The following ATP2B2 variants were observed in gnomAD, a reference collection of about 807,000 sequenced individuals.
The protein encoded by ATP2B2 is ATPase plasma membrane Ca2+ transporting 2, also known as plasma membrane calcium-transporting ATPase 2.
In ATP2B2, 15 loss-of-function variants were observed where a neutral mutation model predicts 120.0. That is an observed-to-expected ratio of 0.12 (90% CI 0.08 to 0.19). The LOEUF (loss-of-function observed/expected upper bound fraction) is 0.19. Ranked by LOEUF, ATP2B2 falls within the 10% of genes least tolerant of loss-of-function variation. The pLI is 1.00. For missense variants in ATP2B2, 1,045 were observed against 1,719.8 expected (o/e 0.61, Z 6.94); for synonymous variants, 694 against 700.3 (o/e 0.99, Z 0.14).
At chr3:10,666,482 ACC>A (rs1416819219) in intron 1 of ATP2B2, among the ~76,000 whole-genome samples, 1 of 152,006 alleles carries the variant, frequency 6.6e-6, no homozygotes, top group East Asian at 1.9e-4. Context: ...TACTCTCCAC[ACC>A]CCACCAATGC....
chr3:10,705,549 T>C (rs1031121225), intron 1 of ATP2B2, among the ~76,000 whole-genome samples: 3 of 152,236 alleles, frequency 2.0e-5, no homozygotes, highest in African/African-American at 7.2e-5. Flanking sequence ...CAAGTCCTCT[T>C]GGAGACAGTG....
chr3:10,685,040 G>C lies in ATP2B2; in HGVS notation c.-460+22875C>G, dbSNP rs531231405. ...AAACTGAGATCACTCAAGACCAGGC[G>C]ATGGTAGACAGACTCTCTAAATCCA... On this transcript the variant is annotated intron_variant, in intron 1 of 21. Coordinates refer to the ATP2B2 transcript ENST00000646379. Among the ~76,000 whole-genome samples, 4 of 152,298 alleles carry C rather than the reference G, an allele frequency of 2.6e-5. No individual in the cohort carries two copies. The South Asian group carries it at 8.3e-4, about 32-fold the overall frequency.
intron 2 of ATP2B2, among the ~76,000 whole-genome samples, chr3:10,446,974 G>A (rs2063858348): frequency 1.3e-5 from 2 of 152,228 alleles, no homozygotes; most frequent in African/African-American, 4.8e-5. Flanking sequence ...AAGAAATGCT[G>A]CTGTAGGCCA....
intron 3 of ATP2B2, among the ~76,000 whole-genome samples, chr3:10,512,124 G>A (rs755841897): frequency 5.9e-5 from 9 of 152,162 alleles, no homozygotes; most frequent in Non-Finnish European, 1.2e-4. Context: ...TTGTTCAAGG[G>A]TGCATAGCTC....
At chr3:10,526,347 G>T (rs1431230404) in intron 3 of ATP2B2, among the ~76,000 whole-genome samples, 1 of 152,198 alleles carries the variant, frequency 6.6e-6, no homozygotes, top group Non-Finnish European at 1.5e-5. Flanking sequence ...GGAAGCTTTG[G>T]TGGAAGCTGG....
rs992277258 is a variant in ATP2B2, at chr3:10,326,960, T to A, written c.*1854A>T. On this transcript the variant is annotated 3_prime_UTR_variant, in exon 23 of 23. Transcript: ENST00000360273. Reference sequence around the variant, plus strand: ...TCGTGAGGAGGGTCAGCATGAGGAATGGATTTTGCAAGAGAGGCGGAAAGT... The same window carrying A: ...TCGTGAGGAGGGTCAGCATGAGGAAAGGATTTTGCAAGAGAGGCGGAAAGT... 3.5e-5 allele frequency: 14 copies of A among 398,338 alleles called. No individual in the cohort carries two copies. The highest frequency in any genetic ancestry group is 6.2e-5 in the Non-Finnish European group (14 of 226,040). 24.7% of individuals were successfully genotyped at this position (398,338 alleles called of 1,614,324 possible). A position where few individuals can be genotyped will look rare whatever the true frequency, so the allele number is the denominator to read the frequency against.
At chr3:10,428,473 T>G (rs1214361590) in intron 2 of ATP2B2, among the ~76,000 whole-genome samples, 2 of 152,176 alleles carry the variant, frequency 1.3e-5, no homozygotes, top group Non-Finnish European at 2.9e-5. Context: ...CAGGTGGCGT[T>G]GTGCTATGAG....
intron 1 of ATP2B2, among the ~76,000 whole-genome samples, chr3:10,620,511 G>A (rs77305647): frequency 0.023 from 3,462 of 152,276 alleles, 77 homozygotes; most frequent in African/African-American, 0.064. Context: ...GGCAGGAGTA[G>A]GGAAACCTGG....
intron 1 of ATP2B2, among the ~76,000 whole-genome samples, chr3:10,670,047 G>C (rs1490502911): frequency 6.6e-6 from 1 of 152,186 alleles, no homozygotes; most frequent in Non-Finnish European, 1.5e-5. Context: ...GTTTATGCAA[G>C]AAAGATTTGA....
intron 1 of ATP2B2, among the ~76,000 whole-genome samples, chr3:10,653,105 C>T (rs1320606371): frequency 6.6e-6 from 1 of 152,080 alleles, no homozygotes; most frequent in African/African-American, 2.4e-5. Context: ...TTATGTGTAT[C>T]CCACCTCAAT....
chr3:10,534,499 A>G (rs894059045), intron 2 of ATP2B2, among the ~76,000 whole-genome samples: 1 of 152,204 alleles, frequency 6.6e-6, no homozygotes, highest in Non-Finnish European at 1.5e-5. Flanking sequence ...CACCTACTAC[A>G]TTCCAGCTAC....
chr3:10,566,882 G>T (rs962484568), intron 2 of ATP2B2, among the ~76,000 whole-genome samples: 1 of 152,164 alleles, frequency 6.6e-6, no homozygotes, highest in Non-Finnish European at 1.5e-5. Context: ...ATATTAGTGG[G>T]TTAAGATTTA....
At chr3:10,463,575 T>C (rs1186122484) in intron 1 of ATP2B2, among the ~76,000 whole-genome samples, 1 of 152,234 alleles carries the variant, frequency 6.6e-6, no homozygotes, top group African/African-American at 2.4e-5. Context: ...TTAAAGAGAT[T>C]GCGCGGGGTC....
At chr3:10,360,538 C>T (rs2060867995) in intron 12 of ATP2B2, among the ~76,000 whole-genome samples, 1 of 152,150 alleles carries the variant, frequency 6.6e-6, no homozygotes, top group African/African-American at 2.4e-5. Flanking sequence ...ACTCCTTGTC[C>T]CAGAAACAAC....
At chr3:10,476,841 C>A (rs1276405082) in intron 1 of ATP2B2, among the ~76,000 whole-genome samples, 1 of 152,174 alleles carries the variant, frequency 6.6e-6, no homozygotes, top group Non-Finnish European at 1.5e-5. Context: ...TGCAGATGAG[C>A]CCTAAGCCTC....
chr3:10,702,098 T>A (rs2071828270), intron 1 of ATP2B2, among the ~76,000 whole-genome samples: 2 of 152,090 alleles, frequency 1.3e-5, no homozygotes, highest in Admixed American at 6.6e-5. Flanking sequence ...CCAGTGGGCT[T>A]CCCGCTACCC....
At chr3:10,332,592 C>T (rs1336957307) in intron 22 of ATP2B2, among the ~76,000 whole-genome samples, 3 of 152,210 alleles carry the variant, frequency 2.0e-5, no homozygotes, top group African/African-American at 7.2e-5. Flanking sequence ...CCCTGGCCTT[C>T]CCTGGAGGAC....
At chr3:10,481,598 G>C (rs1170063218) in intron 1 of ATP2B2, among the ~76,000 whole-genome samples, 1 of 152,090 alleles carries the variant, frequency 6.6e-6, no homozygotes, top group Non-Finnish European at 1.5e-5. Flanking sequence ...CCGTTACCTA[G>C]GCTAGAGTGC....
At chr3:10,477,851 A>T (rs1454320160) in intron 1 of ATP2B2, among the ~76,000 whole-genome samples, 1 of 152,230 alleles carries the variant, frequency 6.6e-6, no homozygotes, top group East Asian at 1.9e-4. Context: ...TGTTATGAGC[A>T]TGGGTGAACA....
Sources: gnomAD v4.1 joint callset for allele counts (sites outside exome capture counted in the v4.1 genomes callset) on GRCh38, gnomAD v4.1.1 for gene constraint, MANE v1.5 for transcripts, NCBI Gene and HGNC (gene_info 2026-07-23, HGNC 2026-07-21) for gene names.